The following STYXL2 variants were observed in gnomAD, a reference collection of about 807,000 sequenced individuals.
STYXL2 encodes serine/threonine/tyrosine interacting like 2.
Under a neutral mutation model 52.4 loss-of-function variants are expected in STYXL2, and 44 were observed. That is an observed-to-expected ratio of 0.84 (90% CI 0.66 to 1.08). The LOEUF (loss-of-function observed/expected upper bound fraction) is 1.08. STYXL2 is among the 50% of genes least tolerant of loss of function. The pLI is 0.00. For missense variants in STYXL2, 1,604 were observed against 1,471.7 expected (o/e 1.09, Z -1.47); for synonymous variants, 604 against 586.9 (o/e 1.03, Z -0.42).
chr1:167,120,523 T>C (rs996505124), intron 5 of STYXL2, among the ~76,000 whole-genome samples: 15 of 152,210 alleles, frequency 9.9e-5, no homozygotes, highest in African/African-American at 3.6e-4. Context: ...GCTATAATAA[T>C]ATTGTTAATG....
Position 167,128,041 on chromosome 1 carries a change from G to A in STYXL2, c.2910G>A (p.Glu970=), listed in dbSNP as rs554773762. ...ACACCAGATCGTCCCTGCTCAGGGA[G>A]ACAGAGTCTAAATCCTCCAGTTACA... ...GKYTRSSLLR[E]TESKSSSYKF... Residue 970 remains glutamate (E), a synonymous_variant, in exon 6 of 6, where the codon GAG becomes GAA. Coordinates refer to ENST00000361200, the MANE Select transcript of STYXL2 (RefSeq NM_001080426.3). 4.3e-6 allele frequency: 7 copies of A among 1,614,232 alleles called. No individual in the cohort carries two copies. The East Asian group carries it at 1.6e-4, about 36-fold the overall frequency.
In STYXL2 at chr1:167,126,729, T is replaced by G; in HGVS notation, c.1598T>G (p.Phe533Cys). Residue 533 changes from phenylalanine to cysteine, a missense_variant, in exon 6 of 6, where the codon TTC becomes TGC. Transcript: ENST00000361200. The part of the protein sequence containing the change: ...VGSEASSFYN[F>C]CSRNKDKLTA... ...TCTGAGGCCAGTTCCTTCTACAACT[T>G]CTGCAGCAGGAACAAGGACAAGCTC... The G allele has an allele frequency of 6.2e-7, 1 of 1,614,036 alleles. No homozygotes were observed. The highest frequency in any genetic ancestry group is 8.5e-7 in the Non-Finnish European group (1 of 1,180,004).
In STYXL2 at chr1:167,128,017, C is replaced by T. The variant is rs1425270252; in HGVS notation, c.2886C>T (p.Tyr962=). ...SDWSGSSRGK[Y]TRSSLLRETE... ...GGTCTGGAAGTTCCAGAGGGAAGTA[C>T]ACCAGATCGTCCCTGCTCAGGGAGA... Residue 962 remains tyrosine (Y), a synonymous_variant, in exon 6 of 6, where the codon TAC becomes TAT. Coordinates refer to ENST00000361200, the MANE Select transcript of STYXL2 (RefSeq NM_001080426.3). 18 of 1,614,214 alleles carry T rather than the reference C, an allele frequency of 1.1e-5. No individual in the cohort carries two copies. The highest frequency in any genetic ancestry group is 1.4e-5 in the Non-Finnish European group (16 of 1,180,044).
intron 2 of STYXL2, among the ~76,000 whole-genome samples, chr1:167,096,257 CA>C (rs1312507087): frequency 2.0e-5 from 3 of 149,920 alleles, no homozygotes; most frequent in East Asian, 2.0e-4. Flanking sequence ...GACTCCATCT[CA>C]AAAAAAAAGA....
rs754831661 is a variant in STYXL2 at position 167,126,598 on chromosome 1, G to C, written c.1467G>C (p.Lys489Asn). ...AWNERLLEIEKEASRRYHAKS... is the reference protein window; with the variant it reads ...AWNERLLEIENEASRRYHAKS... ...ACGAGAGGCTGCTGGAGATTGAGAAGGAGGCTTCCCGGAGGTACCACGCCA... is the reference window on the plus strand; with the variant it reads ...ACGAGAGGCTGCTGGAGATTGAGAACGAGGCTTCCCGGAGGTACCACGCCA... Residue 489 changes from lysine (K) to asparagine (N), a missense_variant, in exon 6 of 6, where the codon AAG becomes AAC. Physicochemically the swap from Lys to Asn is moderately conservative, Grantham distance 94. Transcript: ENST00000361200. The C allele has an allele frequency of 6.2e-7, 1 of 1,614,100 alleles. No homozygotes were observed. The highest frequency in any genetic ancestry group is 1.1e-5 in the South Asian group (1 of 91,078).
rs1043565710 is a variant in STYXL2 at position 167,117,379 on chromosome 1, A to G, written c.257A>G (p.Glu86Gly). The G allele has an allele frequency of 3.7e-6, 6 of 1,612,670 alleles. No individual in the cohort carries two copies. Among genetic ancestry groups the G allele is most frequent in the Non-Finnish European group, 5.1e-6 (6 of 1,179,424 alleles). Reference protein sequence around the residue: ...RADAECPGMLESAEQLLVEDL... With the variant: ...RADAECPGMLGSAEQLLVEDL... The stretch of plus-strand genomic sequence containing the variant: ...GACGCAGAGTGTCCAGGCATGCTGG[A>G]GTCTGCTGAACAGCTGCTGGTGGAG... Residue 86 changes from glutamate (E) to glycine (G), a missense_variant, in exon 4 of 6, where the codon GAG becomes GGG. Physicochemically the swap from Glu to Gly is moderately conservative, Grantham distance 98. Transcript: ENST00000361200.
At chr1:167,108,150 C>A (rs1244517397) in intron 2 of STYXL2, among the ~76,000 whole-genome samples, 4 of 152,182 alleles carry the variant, frequency 2.6e-5, no homozygotes, top group Admixed American at 6.5e-5. Context: ...CCTGGCCCAG[C>A]CTTACCATGG....
In STYXL2 at chr1:167,119,274, C is replaced by T. The variant is rs1667797570; in HGVS notation, c.463C>T (p.Leu155=). 3.1e-6 allele frequency: 5 copies of T among 1,614,106 alleles called. No individual in the cohort carries two copies. Among genetic ancestry groups the T allele is most frequent in the African/African-American group, 1.3e-5 (1 of 74,924 alleles). The change falls in exon 5 of 6, where the codon CTG becomes TTG. Residue 155 remains leucine (L), a synonymous_variant. Coordinates refer to ENST00000361200, the MANE Select transcript of STYXL2 (RefSeq NM_001080426.3). ...GAGTGTGGCTGTGAACAAGGGGAGG[C>T]TGAAGAGGCTGGGAATCACCCACAT... The part of the protein sequence containing the change: ...EKSVAVNKGR[L]KRLGITHILN...
intron 5 of STYXL2, among the ~76,000 whole-genome samples, chr1:167,121,439 G>A (rs182715411): frequency 6.6e-6 from 1 of 152,254 alleles, no homozygotes; most frequent in Non-Finnish European, 1.5e-5. Context: ...GGCAGACCTC[G>A]AGGCGGAGCG....
In STYXL2 at chr1:167,126,419, C is replaced by A. The variant is rs1424974385; in HGVS notation, c.1288C>A (p.Arg430=). The change falls in exon 6 of 6, where the codon CGG becomes AGG. Residue 430 remains arginine, a synonymous_variant. Transcript: ENST00000361200. The stretch of plus-strand genomic sequence containing the variant: ...CGACGCTGGCTCCTCGGTGGGGAGG[C>A]GGCGGCGCACCCTGAGCGAGAGCAG... The part of the protein sequence containing the change: ...ESDAGSSVGR[R]RRTLSESSAW... 5 of 1,560,230 alleles carry A rather than the reference C, an allele frequency of 3.2e-6. No homozygotes were observed. The Middle Eastern group carries it at 6.7e-4, about 209-fold the overall frequency.
rs775410857 is a variant in STYXL2, at chr1:167,125,797, G to C, written c.666G>C (p.Leu222=). ...EALLTYRGKV[L]VSSEMGISRS... The stretch of plus-strand genomic sequence containing the variant: ...GTGTTTTCATTTCAGGGAAAGTCCT[G>C]GTCAGCAGCGAAATGGGCATCAGCC... The change falls in exon 6 of 6, where the codon CTG becomes CTC. Residue 222 remains leucine, a synonymous_variant. Transcript: ENST00000361200. 20 of 1,598,980 alleles carry C rather than the reference G, an allele frequency of 1.3e-5. No individual in the cohort carries two copies. Among genetic ancestry groups the C allele is most frequent in the Non-Finnish European group, 1.7e-5 (20 of 1,172,322 alleles).
At chr1:167,101,819 C>G (rs982510333) in intron 2 of STYXL2, among the ~76,000 whole-genome samples, 2 of 140,952 alleles carry the variant, frequency 1.4e-5, no homozygotes, top group Non-Finnish European at 3.1e-5. Flanking sequence ...AAAAAAAAAG[C>G]CTATGTCTAT....
At chr1:167,110,610 A>C (rs1667597210) in intron 2 of STYXL2, among the ~76,000 whole-genome samples, 1 of 152,254 alleles carries the variant, frequency 6.6e-6, no homozygotes, top group African/African-American at 2.4e-5. Context: ...AAATCAAACA[A>C]GTAGAAGAAA....
chr1:167,101,298 T>C (rs2102222955), intron 2 of STYXL2, among the ~76,000 whole-genome samples: 1 of 152,304 alleles, frequency 6.6e-6, no homozygotes, highest in African/African-American at 2.4e-5. Flanking sequence ...ACTATTAAAA[T>C]ATCTGAAATT....
intron 2 of STYXL2, among the ~76,000 whole-genome samples, chr1:167,111,511 T>TACAC (rs1188394138): frequency 6.1e-4 from 26 of 42,748 alleles, no homozygotes; most frequent in Non-Finnish European, 6.9e-4. Context: ...TATATATATA[T>TACAC]ATACACACAC....
Position 167,125,852 on chromosome 1 carries a change from A to T in STYXL2, c.721A>T (p.Met241Leu). ...RSAVLVVAYL[M>L]IFHNMAILEA... ...AGCAGTGCTGGTGGTCGCCTACCTGATGATCTTCCACAACATGGCCATCCT... is the reference window on the plus strand; with the variant it reads ...AGCAGTGCTGGTGGTCGCCTACCTGTTGATCTTCCACAACATGGCCATCCT... Residue 241 changes from methionine (M) to leucine (L), a missense_variant, in exon 6 of 6, where the codon ATG becomes TTG. Met to Leu is a conservative substitution (Grantham distance 15). Transcript: ENST00000361200. 6.2e-7 allele frequency: 1 copy of T among 1,613,786 alleles called. No homozygotes were observed. The highest frequency in any genetic ancestry group is 8.5e-7 in the Non-Finnish European group (1 of 1,179,870).
At chr1:167,120,602 A>C (rs1667831347) in intron 5 of STYXL2, among the ~76,000 whole-genome samples, 1 of 151,822 alleles carries the variant, frequency 6.6e-6, no homozygotes, top group African/African-American at 2.4e-5. Context: ...GGAAAATACA[A>C]GCACACATAT....
chr1:167,096,828 T>C (rs942105917), intron 2 of STYXL2, among the ~76,000 whole-genome samples: 1 of 152,170 alleles, frequency 6.6e-6, no homozygotes, highest in Admixed American at 6.5e-5. Context: ...TCCCCACCTA[T>C]AGAACATGTT....
At chr1:167,096,213 G>A (rs557946548) in intron 2 of STYXL2, among the ~76,000 whole-genome samples, 4 of 152,060 alleles carry the variant, frequency 2.6e-5, no homozygotes, top group African/African-American at 4.8e-5. Flanking sequence ...AGCCGAGATC[G>A]CGCCACTGAA....
Sources: allele counts gnomAD v4.1 joint callset (sites outside exome capture counted in the v4.1 genomes callset), GRCh38; gene constraint gnomAD v4.1.1; transcripts MANE v1.5; gene names NCBI Gene and HGNC (gene_info 2026-07-23, HGNC 2026-07-21).